BTBD9: variants seen among roughly 807,000 people sequenced by gnomAD.
BTBD9 encodes the protein BTB domain containing 9, also known as BTB/POZ domain-containing protein 9.
Under a neutral mutation model 64.3 loss-of-function variants are expected in BTBD9, and 49 were observed. The ratio of observed to expected loss-of-function variants is 0.76; its 90% confidence interval spans 0.61 to 0.97. BTBD9 has a LOEUF of 0.97. Among genes scored for constraint, BTBD9 ranks in the 50% least tolerant of loss-of-function variants. The pLI is 0.00. For synonymous variants in BTBD9, 260 were observed against 274.7 expected (o/e 0.95, Z 0.53); for missense variants, 598 against 762.1 (o/e 0.78, Z 2.53).
At chr6:38,529,974 G>A (rs952720499) in intron 6 of BTBD9, among the ~76,000 whole-genome samples, 2 of 152,176 alleles carry the variant, frequency 1.3e-5, no homozygotes, top group Admixed American at 1.3e-4. Context: ...AAACGGACGT[G>A]TAAGTAGGGA....
intron 6 of BTBD9, among the ~76,000 whole-genome samples, chr6:38,459,984 T>G (rs540931838): frequency 1.3e-5 from 2 of 152,326 alleles, no homozygotes; most frequent in Admixed American, 6.5e-5. Flanking sequence ...CTTTCATCAT[T>G]TTAGAAGATC....
intron 6 of BTBD9, among the ~76,000 whole-genome samples, chr6:38,388,155 T>C (rs1766259816): frequency 6.6e-6 from 1 of 151,008 alleles, no homozygotes; most frequent in Admixed American, 6.6e-5. Context: ...TTAGCACATC[T>C]GGATTTAATT....
intron 6 of BTBD9, among the ~76,000 whole-genome samples, chr6:38,475,018 C>T (rs747903849): frequency 3.9e-5 from 6 of 152,060 alleles, no homozygotes; most frequent in Non-Finnish European, 8.8e-5. Context: ...TATGGTACCT[C>T]TATATAATGA....
At chr6:38,357,779 C>T (rs1266481562) in intron 6 of BTBD9, among the ~76,000 whole-genome samples, 1 of 152,166 alleles carries the variant, frequency 6.6e-6, no homozygotes, top group African/African-American at 2.4e-5. Context: ...GGCTACAACT[C>T]TTTATTCCTT....
chr6:38,366,762 A>C (rs530591224), intron 6 of BTBD9, among the ~76,000 whole-genome samples: 1 of 152,378 alleles, frequency 6.6e-6, no homozygotes, highest in East Asian at 1.9e-4. Context: ...TGGAAGAATA[A>C]GAAAGGGAAG....
intron 6 of BTBD9, among the ~76,000 whole-genome samples, chr6:38,406,630 T>C (rs1057330542): frequency 6.6e-6 from 1 of 152,234 alleles, no homozygotes; most frequent in African/African-American, 2.4e-5. Context: ...ATATGCAATC[T>C]TAATAAGAAG....
At chr6:38,424,406 C>CA (rs1213785611) in intron 6 of BTBD9, among the ~76,000 whole-genome samples, 1 of 151,956 alleles carries the variant, frequency 6.6e-6, no homozygotes, top group East Asian at 1.9e-4. Context: ...GACAATGCTC[C>CA]AGCTCATTGT....
chr6:38,485,049 C>A (rs1771334065), intron 6 of BTBD9, among the ~76,000 whole-genome samples: 2 of 152,230 alleles, frequency 1.3e-5, no homozygotes, highest in Non-Finnish European at 2.9e-5. Context: ...TCAAACCCTA[C>A]TACTGCTTTA....
intron 6 of BTBD9, among the ~76,000 whole-genome samples, chr6:38,573,322 T>C (rs1775862695): frequency 1.3e-5 from 2 of 152,192 alleles, no homozygotes; most frequent in Non-Finnish European, 2.9e-5. Flanking sequence ...ATTTAAAATA[T>C]ATACATTATA....
intron 9 of BTBD9, among the ~76,000 whole-genome samples, chr6:38,251,624 G>A (rs1036628455): frequency 6.6e-6 from 1 of 152,078 alleles, no homozygotes; most frequent in Non-Finnish European, 1.5e-5. Context: ...TTTCAGCCAG[G>A]TGCGGTGGCT....
chr6:38,622,662 G>T (rs557084411), intron 1 of BTBD9, among the ~76,000 whole-genome samples: 1 of 152,086 alleles, frequency 6.6e-6, no homozygotes, highest in Non-Finnish European at 1.5e-5. Context: ...CACGAACACC[G>T]TGTTAACTTT....
chr6:38,249,269 T>C (rs568574370), intron 9 of BTBD9, among the ~76,000 whole-genome samples: 90 of 152,224 alleles, frequency 5.9e-4, no homozygotes, highest in African/African-American at 1.7e-3. Context: ...TTCTTTCTTT[T>C]TTTGAGACAG....
At chr6:38,356,534 T>C (rs1255237783) in intron 6 of BTBD9, among the ~76,000 whole-genome samples, 2 of 152,198 alleles carry the variant, frequency 1.3e-5, no homozygotes, top group Non-Finnish European at 2.9e-5. Flanking sequence ...GCTCCTTTCT[T>C]TTTGGTCTAG....
At chr6:38,357,283 A>G (rs1159954301) in intron 6 of BTBD9, among the ~76,000 whole-genome samples, 1 of 152,114 alleles carries the variant, frequency 6.6e-6, no homozygotes, top group African/African-American at 2.4e-5. Flanking sequence ...AGCCTTTGAG[A>G]ATTCAGTAGC....
intron 1 of BTBD9, among the ~76,000 whole-genome samples, chr6:38,627,918 T>C (rs1300218394): frequency 2.0e-5 from 3 of 152,184 alleles, no homozygotes; most frequent in African/African-American, 7.2e-5. Flanking sequence ...AAATTTTAAC[T>C]GGTTTAACCA....
intron 7 of BTBD9, among the ~76,000 whole-genome samples, chr6:38,308,043 T>C (rs1762691298): frequency 6.6e-6 from 1 of 152,196 alleles, no homozygotes; most frequent in Non-Finnish European, 1.5e-5. Context: ...GAAAGCACTT[T>C]CCAAAAATAA....
At chr6:38,349,105 C>T (rs1002546030) in intron 6 of BTBD9, among the ~76,000 whole-genome samples, 2 of 152,032 alleles carry the variant, frequency 1.3e-5, no homozygotes, top group Non-Finnish European at 2.9e-5. Flanking sequence ...CCACATTGGT[C>T]TCAAACTTCT....
chr6:38,347,574 A>G (rs1264829509), intron 6 of BTBD9, among the ~76,000 whole-genome samples: 3 of 152,218 alleles, frequency 2.0e-5, no homozygotes, highest in African/African-American at 7.2e-5. Flanking sequence ...AAAGAAGCCA[A>G]GCTCCTTTTT....
At chr6:38,303,840 GATAT>G (rs70981538) in intron 7 of BTBD9, among the ~76,000 whole-genome samples, 11,398 of 75,192 alleles carry the variant, frequency 0.15, 684 homozygotes, top group Middle Eastern at 0.2. Context: ...TTAGTTGCTA[GATAT>G]ATATATATAT....
Sources: gnomAD v4.1 joint callset for allele counts (sites outside exome capture counted in the v4.1 genomes callset) on GRCh38, gnomAD v4.1.1 for gene constraint, MANE v1.5 for transcripts, NCBI Gene and HGNC (gene_info 2026-07-23, HGNC 2026-07-21) for gene names.